ITPR3: variants seen among roughly 807,000 people sequenced by gnomAD.
The protein encoded by ITPR3 is inositol 1,4,5-trisphosphate-gated calcium channel ITPR3.
ITPR3 carries 173 observed loss-of-function variants against 293.2 expected under a neutral mutation model. The observed-to-expected ratio is 0.59, with a 90% CI of 0.52 to 0.67. The LOEUF (loss-of-function observed/expected upper bound fraction) is 0.67, where lower values mean the gene tolerates loss of function less well. Among genes scored for constraint, ITPR3 ranks in the 30% least tolerant of loss-of-function variants. The pLI is 0.00. For synonymous variants in ITPR3, 1,295 were observed against 1,444.4 expected, an observed-to-expected ratio of 0.90 and a Z score of 2.35; for missense variants, 2,796 against 3,592.1, an observed-to-expected ratio of 0.78 and a Z score of 5.66.
rs942711758 is a variant in ITPR3 at position 33,689,355 on chromosome 6, G to A, written c.6812G>A (p.Arg2271His). The change falls in exon 50 of 58, where the codon CGC becomes CAC. Residue 2271 changes from arginine to histidine, a missense_variant. Transcript: ENST00000605930. ...IRPLIVALIL[R>H]SIYYLGIGPT... ...CCCCTCATCGTGGCGCTCATCCTGC[G>A]CTCCATCTACTATCTGGGCATCGGG... 3.7e-6 allele frequency: 6 copies of A among 1,612,160 alleles called. No homozygotes were observed. The highest frequency in any genetic ancestry group is 1.7e-5 in the Admixed American group (1 of 60,010).
chr6:33,691,526 G>A lies in ITPR3; in HGVS notation c.7226-89G>A. On this transcript the variant is annotated intron_variant, in intron 52 of 57. Coordinates refer to ENST00000605930, the MANE Select transcript of ITPR3 (RefSeq NM_002224.4). The surrounding 1 kb of genome is among the most constrained non-coding windows in gnomAD (Gnocchi z 4.9). Reference sequence around the variant, plus strand: ...GGCTGGCGATCCAGGACCAGGGAAGGTTTCCTGGAGGATGTGACACTGGGG... The same window carrying A: ...GGCTGGCGATCCAGGACCAGGGAAGATTTCCTGGAGGATGTGACACTGGGG... 9.1e-7 allele frequency: 1 copy of A among 1,099,724 alleles called. No individual in the cohort carries two copies. Among genetic ancestry groups the A allele is most frequent in the Non-Finnish European group, 1.3e-6 (1 of 742,566 alleles). 68.1% of individuals were successfully genotyped at this position (1,099,724 alleles called of 1,614,324 possible). A position where few individuals can be genotyped will look rare whatever the true frequency, so the allele number is the denominator to read the frequency against.
chr6:33,662,550 A>T lies in ITPR3; in HGVS notation c.734A>T (p.His245Leu). Reference sequence around the variant, plus strand: ...CAGGGAGACGTGGTGCGGCTGTTCCATGCGGAGCAGGAGAAGTTCCTGACG... The same window carrying T: ...CAGGGAGACGTGGTGCGGCTGTTCCTTGCGGAGCAGGAGAAGTTCCTGACG... ...LKGGDVVRLF[H>L]AEQEKFLTCD... Residue 245 changes from histidine to leucine, a missense_variant, in exon 8 of 58, where the codon CAT becomes CTT. This residue lies in a region of ITPR3 where 144 missense variants were observed against 230.8 expected (regional missense o/e 0.62). Transcript: ENST00000605930. 6.2e-7 allele frequency: 1 copy of T among 1,604,878 alleles called. No individual in the cohort carries two copies. Among genetic ancestry groups the T allele is most frequent in the East Asian group, 2.3e-5 (1 of 44,360 alleles).
At chr6:33,628,755 G>A (rs969468188) in intron 1 of ITPR3, among the ~76,000 whole-genome samples, 4 of 152,128 alleles carry the variant, frequency 2.6e-5, no homozygotes, top group African/African-American at 9.7e-5. Context: ...GGGCAGAGCC[G>A]GAAGGGGCTG....
chr6:33,679,831 C>T lies in ITPR3; in HGVS notation c.3973-51C>T. 1.3e-6 allele frequency: 2 copies of T among 1,572,896 alleles called. No individual in the cohort carries two copies. Among genetic ancestry groups the T allele is most frequent in the Non-Finnish European group, 1.7e-6 (2 of 1,156,036 alleles). Reference sequence around the variant, plus strand: ...CTGGTAAGCAACGGAGAGGAGAGCCCAGGGCTTGCTGGACCGAGAGAGTGT... The same window carrying T: ...CTGGTAAGCAACGGAGAGGAGAGCCTAGGGCTTGCTGGACCGAGAGAGTGT... On this transcript the variant is annotated intron_variant, in intron 30 of 57. Coordinates refer to ENST00000605930, the MANE Select transcript of ITPR3 (RefSeq NM_002224.4). This position sits in a 1 kb window ranked among gnomAD's most constrained non-coding sequence, Gnocchi z 4.2.
At chr6:33,635,556 C>G (rs1335006241) in intron 1 of ITPR3, among the ~76,000 whole-genome samples, 1 of 152,124 alleles carries the variant, frequency 6.6e-6, no homozygotes, top group African/African-American at 2.4e-5. Flanking sequence ...GGATAGTAAA[C>G]AAAATAAGTA....
In ITPR3 at chr6:33,670,579, G is replaced by A. The variant is rs1764729959; in HGVS notation, c.2441+3G>A. 3 of 1,598,710 alleles carry A rather than the reference G, an allele frequency of 1.9e-6. No homozygotes were observed. The highest frequency in any genetic ancestry group is 1.7e-4 in the Middle Eastern group (1 of 6,010). ...CCCACAGCCATCACCATCAAGGAGT[G>A]AGAGGGGTGGAGGCAGGGTGGGCGG... On this transcript the variant is annotated splice_donor_region_variant and intron_variant, in intron 19 of 57. Coordinates refer to ENST00000605930, the MANE Select transcript of ITPR3 (RefSeq NM_002224.4). This position sits in a 1 kb window ranked among gnomAD's most constrained non-coding sequence, Gnocchi z 6.7.
At position 33,680,590 on chromosome 6, in the gene ITPR3, C is replaced by G; in HGVS notation, c.4386C>G (p.Pro1462=). ...AGCGTGAGAAGCGCGTGGCTGACCC[C>G]ACCTTGGAGAAGTACGTGCTGAGCG... The part of the protein sequence containing the change: ...CSKREKRVAD[P]TLEKYVLSVV... The change falls in exon 33 of 58, where the codon CCC becomes CCG. Residue 1462 remains proline, a synonymous_variant. Coordinates refer to ENST00000605930, the MANE Select transcript of ITPR3 (RefSeq NM_002224.4). The G allele has an allele frequency of 6.2e-7, 1 of 1,614,150 alleles. No individual in the cohort carries two copies.
In ITPR3 at chr6:33,676,751, C is replaced by A; in HGVS notation, c.3283-17C>A. 1 of 1,613,558 alleles carries A rather than the reference C, an allele frequency of 6.2e-7. No individual in the cohort carries two copies. The highest frequency in any genetic ancestry group is 1.7e-4 in the Middle Eastern group (1 of 6,058). On this transcript the variant is annotated splice_polypyrimidine_tract_variant and intron_variant, in intron 25 of 57. Transcript: ENST00000605930. ...CTGGAGCCCATCTCACCAGCCAGGCCCATCCTCCACCTTCAGGTTCAGCTG... is the reference window on the plus strand; with the variant it reads ...CTGGAGCCCATCTCACCAGCCAGGCACATCCTCCACCTTCAGGTTCAGCTG...
At chr6:33,640,370 G>A in intron 1 of ITPR3, 114 bp from the exon 2 acceptor site, 2 of 905,614 alleles carry the variant, frequency 2.2e-6, no homozygotes, top group South Asian at 1.9e-5. Flanking sequence ...TGTTAGAGAT[G>A]GAGGAATTAT....
At chr6:33,634,894 C>T (rs1183837726) in intron 1 of ITPR3, among the ~76,000 whole-genome samples, 6 of 152,060 alleles carry the variant, frequency 3.9e-5, no homozygotes, top group African/African-American at 7.2e-5. Context: ...CAGACAGGGA[C>T]CCTCTGAGGA....
rs1582140647 is a variant in ITPR3 at position 33,670,266 on chromosome 6, G to A, written c.2190-59G>A. On this transcript the variant is annotated intron_variant, in intron 18 of 57. Transcript: ENST00000605930. This position sits in a 1 kb window ranked among gnomAD's most constrained non-coding sequence, Gnocchi z 6.7. ...GAGTCCTCACCAAGTCTAGTGCCCA[G>A]TGCCAGCAGCCTCCCGGCTGCCATC... The A allele has an allele frequency of 3.1e-6, 5 of 1,600,494 alleles. No individual in the cohort carries two copies. Among genetic ancestry groups the A allele is most frequent in the Non-Finnish European group, 4.3e-6 (5 of 1,170,840 alleles).
chr6:33,669,552 G>A (rs1379180780), intron 18 of ITPR3, among the ~76,000 whole-genome samples: 2 of 152,188 alleles, frequency 1.3e-5, no homozygotes, highest in Admixed American at 6.5e-5. Context: ...AGCCAAGATC[G>A]CACTACTGCA....
In ITPR3 at chr6:33,683,250, C is replaced by T; in HGVS notation, c.4641C>T (p.His1547=). The part of the protein sequence containing the change: ...AILLPMDLDA[H]ISSMLSSGAS... ...TGCTGCCCATGGACCTGGATGCCCA[C>T]ATCAGCTCGATGCTCAGCAGTGGAG... is the stretch of plus-strand genomic sequence containing the variant. The change falls in exon 35 of 58, where the codon CAC becomes CAT. Residue 1547 remains histidine (H), a synonymous_variant. Transcript: ENST00000605930. This position sits in a 1 kb window ranked among gnomAD's most constrained non-coding sequence, Gnocchi z 4.5. 2 of 1,563,482 alleles carry T rather than the reference C, an allele frequency of 1.3e-6. No individual in the cohort carries two copies. The highest frequency in any genetic ancestry group is 1.3e-5 in the African/African-American group (1 of 74,108).
intron 2 of ITPR3, among the ~76,000 whole-genome samples, chr6:33,651,943 G>A (rs1245352660): frequency 1.3e-5 from 2 of 152,154 alleles, no homozygotes; most frequent in Non-Finnish European, 2.9e-5. Flanking sequence ...CCCTGCTCTA[G>A]GGGCTGTACC....
intron 49 of ITPR3, among the ~76,000 whole-genome samples, 185 bp downstream of exon 49, chr6:33,688,966 G>T (rs1034442414): frequency 2.0e-5 from 3 of 152,226 alleles, no homozygotes; most frequent in Admixed American, 2.0e-4. Flanking sequence ...CAAAGGGGAT[G>T]GTCAGGGTCT....
At chr6:33,674,062 C>T (rs1764840668) in intron 23 of ITPR3, 146 bp from the exon 24 acceptor site, 1 of 993,362 alleles carries the variant, frequency 1.0e-6, no homozygotes, top group Admixed American at 2.0e-5. Flanking sequence ...GGCTCCTCCC[C>T]TACTTGGTTC....
At chr6:33,622,056 G>C (rs532505026) in intron 1 of ITPR3, among the ~76,000 whole-genome samples, 1 of 152,274 alleles carries the variant, frequency 6.6e-6, no homozygotes, top group South Asian at 2.1e-4. Flanking sequence ...AGACGTGCCC[G>C]GCTCTGAGGG....
chr6:33,659,653 C>A, intron 7 of ITPR3, 104 bp downstream of exon 7: 1 of 964,238 alleles, frequency 1.0e-6, no homozygotes, highest in Non-Finnish European at 1.6e-6. Context: ...CCCTTACCCT[C>A]TCCCCAGCTT....
intron 2 of ITPR3, among the ~76,000 whole-genome samples, chr6:33,647,859 G>A (rs891072464): frequency 6.6e-6 from 1 of 151,930 alleles, no homozygotes; most frequent in Non-Finnish European, 1.5e-5. Flanking sequence ...GAGCAGGTGC[G>A]CTCCGAGAAT....
Sources: allele counts gnomAD v4.1 joint callset (sites outside exome capture counted in the v4.1 genomes callset), GRCh38; gene constraint gnomAD v4.1.1; regional missense constraint gnomAD v4.1.1; non-coding constraint Gnocchi (gnomAD v3.1); transcripts MANE v1.5; gene names NCBI Gene and HGNC (gene_info 2026-07-23, HGNC 2026-07-21).